POLE: variants seen among roughly 807,000 people sequenced by gnomAD.
The protein encoded by POLE is DNA polymerase epsilon, catalytic subunit.
In POLE, 188 loss-of-function variants were observed where a neutral mutation model predicts 279.2. The observed-to-expected ratio is 0.67, with a 90% CI of 0.60 to 0.76. The LOEUF is 0.76. Ranked by LOEUF, POLE falls within the 30% of genes least tolerant of loss-of-function variation. The pLI is 0.00. For missense variants in POLE, 2,703 were observed against 3,016.7 expected (o/e 0.90, Z 2.44); for synonymous variants, 1,214 against 1,172.5 (o/e 1.04, Z -0.72).
chr12:132,667,599 C>G lies in POLE; in HGVS notation c.2223G>C (p.Glu741Asp), dbSNP rs750872591. 2 of 1,613,948 alleles carry G rather than the reference C, an allele frequency of 1.2e-6. No individual in the cohort carries two copies. The highest frequency in any genetic ancestry group is 1.7e-6 in the Non-Finnish European group (2 of 1,179,898). The part of the protein sequence containing the change: ...YKKIHITKVE[E>D]RLTTICQREN... ...CCCGCTGGCAGATGGTGGTGAGACG[C>G]TCTTCCACCTTGGTGATGTGGATCT... The change falls in exon 20 of 49, where the codon GAG becomes GAC. Residue 741 changes from glutamate to aspartate, a missense_variant. Coordinates refer to ENST00000320574, the MANE Select transcript of POLE (RefSeq NM_006231.4).
intron 8 of POLE, 124 bp downstream of exon 8, chr12:132,677,239 A>C: frequency 1.3e-6 from 1 of 742,510 alleles, no homozygotes; most frequent in South Asian, 1.6e-5. Context: ...TATTTCCTTT[A>C]ATAAAGTATT....
At chr12:132,632,994 A>C (rs563106689) in intron 43 of POLE, 199 bp from the exon 44 acceptor site, 19 of 583,720 alleles carry the variant, frequency 3.3e-5, no homozygotes, top group Non-Finnish European at 5.0e-5. Flanking sequence ...ACACTCGCTG[A>C]CACCTGAGTT....
Position 132,659,312 on chromosome 12 carries a change from G to A in POLE, c.3258C>T (p.Gly1086=), listed in dbSNP as rs1555225637. ...GCCCTCACCTCTCCGTGACAGGGGAGCCCTCGGGCTTGCGGGAGATGATGT... is the reference window on the plus strand; with the variant it reads ...GCCCTCACCTCTCCGTGACAGGGGAACCCTCGGGCTTGCGGGAGATGATGT... ...CRYIISRKPE[G]SPVTERAIPL... Residue 1086 remains glycine (G), a synonymous_variant, in exon 26 of 49, where the codon GGC becomes GGT. Transcript: ENST00000320574. 6.2e-7 allele frequency: 1 copy of A among 1,611,660 alleles called. No homozygotes were observed. The highest frequency in any genetic ancestry group is 1.7e-5 in the Admixed American group (1 of 59,910).
At chr12:132,673,788 C>A in intron 12 of POLE, 81 bp from the exon 13 acceptor site, 1 of 1,539,924 alleles carries the variant, frequency 6.5e-7, no homozygotes, top group Non-Finnish European at 8.9e-7. Context: ...AAACTGGGCA[C>A]CACACAGACA....
chr12:132,673,302 G>C, intron 13 of POLE, 25 bp from the exon 14 acceptor site: 2 of 1,498,592 alleles, frequency 1.3e-6, no homozygotes, highest in Non-Finnish European at 1.9e-6. Context: ...CCAGAGAGCA[G>C]GGCCATCAAA....
intron 32 of POLE, among the ~76,000 whole-genome samples, chr12:132,646,720 T>C (rs982443353): frequency 1.4e-4 from 22 of 151,880 alleles, no homozygotes; most frequent in African/African-American, 5.1e-4. Flanking sequence ...TAATCCCAGC[T>C]ACTTGGGAGG....
chr12:132,676,960 CTG>C (rs1326129820), intron 8 of POLE, among the ~76,000 whole-genome samples: 1 of 152,220 alleles, frequency 6.6e-6, no homozygotes, highest in Non-Finnish European at 1.5e-5. Flanking sequence ...TGAAAGGTAA[CTG>C]TGGCACAGAG....
At chr12:132,638,954 GC>G in intron 40 of POLE, 170 bp downstream of exon 40, 1 of 628,070 alleles carries the variant, frequency 1.6e-6, no homozygotes, top group Admixed American at 2.9e-5. Context: ...AGGCGACGCT[GC>G]AGCAGCAGCT....
rs483352909 is a variant in POLE, at chr12:132,673,664, G to A, written c.1270C>T (p.Leu424Phe). The change falls in exon 13 of 49, where the codon CTC becomes TTC. Residue 424 changes from leucine (L) to phenylalanine (F), a missense_variant. This residue lies in a region of POLE where 1,011 missense variants were observed against 1,111.7 expected (regional missense o/e 0.91). Transcript: ENST00000320574. ...AGCTTGGCCTTGGCGGCCGCCTTGA[G>A]ATTATGACTGCCCACAGGAAGGTAA... The part of the protein sequence containing the change: ...DSYLPVGSHN[L>F]KAAAKAKLGY... 6.2e-6 allele frequency: 10 copies of A among 1,613,900 alleles called. No homozygotes were observed. Among genetic ancestry groups the A allele is most frequent in the South Asian group, 3.3e-5 (3 of 91,094 alleles).
At chr12:132,653,465 T>C (rs75698941) in intron 29 of POLE, among the ~76,000 whole-genome samples, 2 of 152,370 alleles carry the variant, frequency 1.3e-5, no homozygotes, top group East Asian at 3.9e-4. Flanking sequence ...TTATTGCTAT[T>C]GTAAATGGTA....
intron 29 of POLE, among the ~76,000 whole-genome samples, chr12:132,656,540 A>G (rs1316177483): frequency 6.6e-6 from 1 of 151,922 alleles, no homozygotes; most frequent in African/African-American, 2.4e-5. Flanking sequence ...TTGTATTTTT[A>G]GTAGAGATGG....
At position 132,659,802 on chromosome 12, in the gene POLE, G is replaced by A. The variant is rs5744854; in HGVS notation, c.3061-293C>T. On this transcript the variant is annotated intron_variant, in intron 25 of 48. Coordinates refer to ENST00000320574, the MANE Select transcript of POLE (RefSeq NM_006231.4). ...CCCCTCCTGGGTTCAAGAGATTCTC[G>A]TGCCTCAGCCTCCCAAGTAGCTGAG... 0.023 allele frequency: 7,694 copies of A among 329,474 alleles called. 120 individuals are homozygous for A. Among genetic ancestry groups the A allele is most frequent in the East Asian group, 0.032 (475 of 14,742 alleles). The allele number at this position is 329,474 out of a possible 1,614,324, so 20.4% of individuals were successfully genotyped here. A position where few individuals can be genotyped will look rare whatever the true frequency, so the allele number is the denominator to read the frequency against.
chr12:132,658,155 C>T (rs200620690), intron 26 of POLE, 185 bp from the exon 27 acceptor site: 42 of 548,844 alleles, frequency 7.7e-5, no homozygotes, highest in East Asian at 1.2e-4. Flanking sequence ...GTAACACGTG[C>T]GTATGTGTAA....
In POLE at chr12:132,649,892, G is replaced by A. The variant is rs371139965; in HGVS notation, c.3583-3C>T. The A allele has an allele frequency of 2.5e-6, 4 of 1,613,224 alleles. No homozygotes were observed. Among genetic ancestry groups the A allele is most frequent in the Non-Finnish European group, 2.5e-6 (3 of 1,179,620 alleles). ...TCTGAGGCCTCGGCCATCGTGACCTGGAAAGACCCAGTGAAGCCTTAAATC... is the reference window on the plus strand; with the variant it reads ...TCTGAGGCCTCGGCCATCGTGACCTAGAAAGACCCAGTGAAGCCTTAAATC... On this transcript the variant is annotated splice_region_variant and splice_polypyrimidine_tract_variant and intron_variant, in intron 29 of 48. Transcript: ENST00000320574.
rs767503360 is a variant in POLE, at chr12:132,677,634, G to T, written c.664C>A (p.Arg222Ser). ...ATGTGGTAGGGAACATCGTACTCGC[G>T]CATGTCCACAATGTTGTCCAACTGG... is the stretch of plus-strand genomic sequence containing the variant. ...ADQLDNIVDM[R>S]EYDVPYHIRL... Residue 222 changes from arginine (R) to serine (S), a missense_variant, in exon 7 of 49, where the codon CGC becomes AGC. Physicochemically the swap from Arg to Ser is moderately radical, Grantham distance 110 (BLOSUM62 -1). Around this residue, in one of 5 missense-constraint regions of POLE, gnomAD observed 1,011 missense variants for 1,111.7 expected, o/e 0.91. Transcript: ENST00000320574. 6.2e-7 allele frequency: 1 copy of T among 1,614,008 alleles called. No homozygotes were observed. Among genetic ancestry groups the T allele is most frequent in the African/African-American group, 1.3e-5 (1 of 74,912 alleles).
At chr12:132,635,750 C>A (rs1396993312) in intron 42 of POLE, 142 bp downstream of exon 42, 1 of 785,278 alleles carries the variant, frequency 1.3e-6, no homozygotes, top group Non-Finnish European at 2.0e-6. Context: ...ATGGTCCCTC[C>A]CCGTGTTCAT....
intron 1 of POLE, 26 bp downstream of exon 1, chr12:132,687,228 G>C (rs1335055424): frequency 6.9e-7 from 1 of 1,446,132 alleles, no homozygotes; most frequent in Admixed American, 2.3e-5. Flanking sequence ...GGGCCGGCCC[G>C]AGAGCCTCAG....
chr12:132,642,442 C>G, intron 37 of POLE, 45 bp from the exon 38 acceptor site: 2 of 1,598,132 alleles, frequency 1.3e-6, no homozygotes, highest in Non-Finnish European at 1.7e-6. Context: ...CGCCGGGTCA[C>G]AGAGACCACC....
At chr12:132,687,177 C>T (rs2043294099) in intron 1 of POLE, 77 bp downstream of exon 1, 1 of 939,862 alleles carries the variant, frequency 1.1e-6, no homozygotes, top group Non-Finnish European at 1.4e-6. Flanking sequence ...CCTCCCGCCT[C>T]GGCGGCGCCA....
Sources: gnomAD v4.1 joint callset for allele counts (sites outside exome capture counted in the v4.1 genomes callset) on GRCh38, gnomAD v4.1.1 for gene constraint, gnomAD v4.1.1 regional missense constraint, MANE v1.5 for transcripts, NCBI Gene and HGNC (gene_info 2026-07-23, HGNC 2026-07-21) for gene names.